RBBP8: variants seen among roughly 807,000 people sequenced by gnomAD.
RBBP8 encodes RB binding protein 8, endonuclease, also known as DNA endonuclease RBBP8.
RBBP8 carries 88 observed loss-of-function variants against 108.3 expected under a neutral mutation model. The ratio of observed to expected loss-of-function variants is 0.81; its 90% CI spans 0.68 to 0.97. The LOEUF (loss-of-function observed/expected upper bound fraction) is 0.97, where lower values mean the gene tolerates loss of function less well. Among genes scored for constraint, RBBP8 ranks in the 50% least tolerant of loss-of-function variants. RBBP8 has a pLI of 0.00. For synonymous variants in RBBP8, 332 were observed against 348.2 expected (o/e 0.95, Z 0.52); for missense variants, 1,023 against 1,049.0 (o/e 0.98, Z 0.34).
chr18:23,007,646 C>CG (rs1408082611), intron 16 of RBBP8, among the ~76,000 whole-genome samples: 2 of 141,662 alleles, frequency 1.4e-5, no homozygotes, highest in African/African-American at 5.2e-5. Flanking sequence ...TGCAGTGTGC[C>CG]GAGATCGCGC....
chr18:23,001,847 G>C, intron 15 of RBBP8, 118 bp downstream of exon 15: 1 of 1,356,290 alleles, frequency 7.4e-7, no homozygotes, highest in Non-Finnish European at 1.0e-6. Context: ...CATATTTCTT[G>C]TATAAATTTT....
At chr18:22,919,310 T>C (rs1005557633) in intron 3 of RBBP8, among the ~76,000 whole-genome samples, 2 of 152,192 alleles carry the variant, frequency 1.3e-5, no homozygotes, top group African/African-American at 4.8e-5. Flanking sequence ...GGTTTAGAGT[T>C]AACATTAGAA....
intron 4 of RBBP8, among the ~76,000 whole-genome samples, chr18:22,960,483 C>T (rs556534231): frequency 1.3e-4 from 20 of 152,180 alleles, no homozygotes; most frequent in Non-Finnish European, 2.5e-4. Context: ...GAAGTCAAGG[C>T]AGCAGTGAGC....
chr18:22,925,530 T>C (rs1909761087), intron 3 of RBBP8, among the ~76,000 whole-genome samples: 1 of 152,246 alleles, frequency 6.6e-6, no homozygotes, highest in South Asian at 2.1e-4. Context: ...TAAAGATATA[T>C]CTGTAATCTG....
chr18:22,932,267 A>G (rs985660784), upstream of RBBP8, among the ~76,000 whole-genome samples: 3 of 152,208 alleles, frequency 2.0e-5, no homozygotes, highest in Non-Finnish European at 4.4e-5. Context: ...AACTTATTAC[A>G]GGTTATTTCT....
chr18:23,003,142 C>G (rs547636875), intron 15 of RBBP8, among the ~76,000 whole-genome samples: 3 of 152,166 alleles, frequency 2.0e-5, no homozygotes, highest in Non-Finnish European at 4.4e-5. Context: ...CAACTTTTCT[C>G]TCACAACTTT....
intron 4 of RBBP8, among the ~76,000 whole-genome samples, chr18:22,963,594 T>C (rs897716945): frequency 3.3e-5 from 5 of 152,208 alleles, no homozygotes; most frequent in African/African-American, 1.2e-4. Flanking sequence ...GACTCTGTCC[T>C]CTTTACCTGC....
chr18:22,932,884 T>C (rs1305983631), upstream of RBBP8, among the ~76,000 whole-genome samples: 2 of 152,216 alleles, frequency 1.3e-5, no homozygotes, highest in African/African-American at 4.8e-5. Flanking sequence ...ATCGTTTTGA[T>C]CTATGGCGTT....
At chr18:23,002,720 A>G (rs772953849) in intron 15 of RBBP8, among the ~76,000 whole-genome samples, 1 of 152,156 alleles carries the variant, frequency 6.6e-6, no homozygotes, top group Non-Finnish European at 1.5e-5. Flanking sequence ...GTTTAAATGA[A>G]CATACCTTCT....
chr18:22,975,124 T>C (rs751196047), intron 5 of RBBP8, 29 bp from the exon 6 acceptor site: 1 of 1,588,378 alleles, frequency 6.3e-7, no homozygotes, highest in Non-Finnish European at 8.6e-7. Flanking sequence ...AAATATATTA[T>C]TTGCCTTCTT....
upstream of RBBP8, among the ~76,000 whole-genome samples, chr18:22,932,597 T>G (rs1258794945): frequency 1.3e-5 from 2 of 152,230 alleles, no homozygotes; most frequent in Non-Finnish European, 2.9e-5. Flanking sequence ...CTTAGAATAA[T>G]TACACAAAAG....
intron 17 of RBBP8, among the ~76,000 whole-genome samples, chr18:23,021,763 C>CT (rs1369160036): frequency 6.7e-6 from 1 of 150,312 alleles, no homozygotes; most frequent in East Asian, 1.9e-4. Flanking sequence ...AGGATAAAGA[C>CT]TTTGTACCAG....
chr18:22,929,037 G>A (rs974430914), upstream of RBBP8, among the ~76,000 whole-genome samples: 2 of 152,142 alleles, frequency 1.3e-5, no homozygotes, highest in Non-Finnish European at 2.9e-5. Context: ...TTAGATGTTG[G>A]GCAGCTGTGA....
chr18:22,918,288 G>C (rs1384885466), intron 3 of RBBP8, among the ~76,000 whole-genome samples: 3 of 152,162 alleles, frequency 2.0e-5, no homozygotes, highest in Non-Finnish European at 4.4e-5. Context: ...GAGAAATTAG[G>C]TGATTTCATT....
intron 17 of RBBP8, among the ~76,000 whole-genome samples, chr18:23,017,784 T>C (rs2046286528): frequency 7.1e-6 from 1 of 141,126 alleles, no homozygotes; most frequent in Non-Finnish European, 1.5e-5. Context: ...TCTTGCCCTG[T>C]TGCCCAGGCT....
chr18:22,993,392 A>G lies in RBBP8; in HGVS notation c.1565A>G (p.Tyr522Cys), dbSNP rs1262550118. Reference protein sequence around the residue: ...SKNKFRQVTLYEALKTIPKGF... With the variant: ...SKNKFRQVTLCEALKTIPKGF... Reference sequence around the variant, plus strand: ...AACAAATTTAGGCAAGTGACTCTTTATGAGGCTTTGAAGACCATTCCAAAG... The same window carrying G: ...AACAAATTTAGGCAAGTGACTCTTTGTGAGGCTTTGAAGACCATTCCAAAG... The change falls in exon 11 of 19, where the codon TAT becomes TGT. Residue 522 changes from tyrosine (Y) to cysteine (C), a missense_variant. Transcript: ENST00000327155. The G allele has an allele frequency of 1.2e-6, 2 of 1,614,120 alleles. No homozygotes were observed. Among genetic ancestry groups the G allele is most frequent in the Non-Finnish European group, 1.7e-6 (2 of 1,180,042 alleles).
intron 3 of RBBP8, among the ~76,000 whole-genome samples, chr18:22,949,238 A>G (rs551379221): frequency 6.6e-6 from 1 of 152,348 alleles, no homozygotes; most frequent in South Asian, 2.1e-4. Flanking sequence ...ACTTAAAAGC[A>G]AGACCAGGTA....
At chr18:22,978,707 T>G (rs1371712979) in intron 6 of RBBP8, among the ~76,000 whole-genome samples, 1 of 152,206 alleles carries the variant, frequency 6.6e-6, no homozygotes, top group African/African-American at 2.4e-5. Flanking sequence ...CTCATATGAC[T>G]TTAACTTACT....
chr18:22,945,610 T>C (rs1248544738), intron 2 of RBBP8, among the ~76,000 whole-genome samples: 1 of 152,090 alleles, frequency 6.6e-6, no homozygotes, highest in Non-Finnish European at 1.5e-5. Flanking sequence ...CTCGGAACTC[T>C]TGACCTCGGG....
Sources: gnomAD v4.1 joint callset for allele counts (sites outside exome capture counted in the v4.1 genomes callset) on GRCh38, gnomAD v4.1.1 for gene constraint, MANE v1.5 for transcripts, NCBI Gene and HGNC (gene_info 2026-07-23, HGNC 2026-07-21) for gene names.